The following THSD7A variants were observed in gnomAD, a reference collection of about 807,000 sequenced individuals.
The protein encoded by THSD7A is thrombospondin type-1 domain-containing protein 7A.
In THSD7A, 96 loss-of-function variants were observed where a neutral mutation model predicts 231.3. The ratio of observed to expected loss-of-function variants is 0.41; its 90% CI spans 0.35 to 0.49. The LOEUF (loss-of-function observed/expected upper bound fraction) is 0.49, where lower values mean the gene tolerates loss of function less well. Ranked by LOEUF, THSD7A falls within the 20% of genes least tolerant of loss-of-function variation. The probability of loss-of-function intolerance (pLI) is 0.05; values close to 1 mark genes in which losing one functional copy is unlikely to be tolerated. For missense variants in THSD7A, 2,290 were observed against 2,070.2 expected, an observed-to-expected ratio of 1.11 and a Z score of -2.06; for synonymous variants, 940 against 743.3, an observed-to-expected ratio of 1.26 and a Z score of -4.30.
chr7:11,710,884 A>G (rs984672408), intron 1 of THSD7A, among the ~76,000 whole-genome samples: 1 of 150,864 alleles, frequency 6.6e-6, no homozygotes, highest in African/African-American at 2.4e-5. Context: ...TTGCTTTTCA[A>G]ATGATAATTG....
At position 11,643,603 on chromosome 7, in the gene THSD7A, G is replaced by A. The variant is rs201483832; in HGVS notation, c.191-6642C>T. 2.4e-3 allele frequency among the ~76,000 whole-genome samples: 360 copies of A among 149,582 alleles called. 6 individuals are homozygous for A. The highest frequency in any genetic ancestry group is 0.023 in the South Asian group (110 of 4,748). On this transcript the variant is annotated intron_variant, in intron 1 of 27. Coordinates refer to ENST00000423059, the MANE Select transcript of THSD7A (RefSeq NM_015204.3). ...CAACAGATACACCACACGCACGCGC[G>A]CACACACACACACACACACAGATTG...
At chr7:11,512,202 C>T (rs1787840061) in intron 6 of THSD7A, among the ~76,000 whole-genome samples, 1 of 152,150 alleles carries the variant, frequency 6.6e-6, no homozygotes. Context: ...CATCACTGGC[C>T]ATCAGAGAAA....
chr7:11,744,776 C>A (rs74994677), intron 1 of THSD7A, among the ~76,000 whole-genome samples: 2 of 151,794 alleles, frequency 1.3e-5, no homozygotes, highest in African/African-American at 2.4e-5. Context: ...TGAACTCATC[C>A]TTTTTTATGG....
rs572334659 is a variant in THSD7A, at chr7:11,681,710, A to G, written c.191-44749T>C. 1.1e-3 allele frequency among the ~76,000 whole-genome samples: 172 copies of G among 152,192 alleles called. 1 individual carries two copies. Among genetic ancestry groups the G allele is most frequent in the African/African-American group, 3.8e-3 (158 of 41,562 alleles). ...TCGTTCAGGATATAATGCATGAAAA[A>G]TTTCCCAACCTCACTAGAAATGTTG... On this transcript the variant is annotated intron_variant, in intron 1 of 27. Coordinates refer to ENST00000423059, the MANE Select transcript of THSD7A (RefSeq NM_015204.3).
intron 11 of THSD7A, among the ~76,000 whole-genome samples, chr7:11,452,452 G>T (rs1413967599): frequency 6.6e-6 from 1 of 151,958 alleles, no homozygotes; most frequent in Non-Finnish European, 1.5e-5. Flanking sequence ...TGTAGCCCTG[G>T]CACAATGGAA....
At chr7:11,570,192 A>T (rs1055941720) in intron 4 of THSD7A, among the ~76,000 whole-genome samples, 1 of 152,130 alleles carries the variant, frequency 6.6e-6, no homozygotes, top group Non-Finnish European at 1.5e-5. Flanking sequence ...AAAGAAAAGA[A>T]AAGAAAAGAA....
In THSD7A at chr7:11,733,685, A is replaced by G. The variant is rs146376666; in HGVS notation, c.191-96724T>C. 4.4e-3 allele frequency among the ~76,000 whole-genome samples: 671 copies of G among 152,004 alleles called. 3 individuals are homozygous for G. Among genetic ancestry groups the G allele is most frequent in the African/African-American group, 0.015 (628 of 41,542 alleles). On this transcript the variant is annotated intron_variant, in intron 1 of 27. Coordinates refer to ENST00000423059, the MANE Select transcript of THSD7A (RefSeq NM_015204.3). ...CTAAATCAGTGCTGAGAGCTCCACAATGTTGACAAAAATGTGGGATCTGAA... is the reference window on the plus strand; with the variant it reads ...CTAAATCAGTGCTGAGAGCTCCACAGTGTTGACAAAAATGTGGGATCTGAA...
chr7:11,821,354 T>C, intron 1 of THSD7A: 1 of 646,796 alleles, frequency 1.5e-6, no homozygotes, highest in Admixed American at 2.1e-5. Flanking sequence ...AGAGGACTAA[T>C]TTGATGACTT....
intron 4 of THSD7A, among the ~76,000 whole-genome samples, chr7:11,585,627 A>G (rs1252048093): frequency 6.6e-6 from 1 of 152,198 alleles, no homozygotes; most frequent in Non-Finnish European, 1.5e-5. Flanking sequence ...CACTTAAGAA[A>G]GATTAAAAAC....
At chr7:11,610,718 A>C (rs969066951) in intron 2 of THSD7A, among the ~76,000 whole-genome samples, 4 of 152,162 alleles carry the variant, frequency 2.6e-5, no homozygotes, top group Admixed American at 6.5e-5. Flanking sequence ...ACTCAGAAAT[A>C]GGTCTTAAAA....
intron 4 of THSD7A, among the ~76,000 whole-genome samples, chr7:11,574,657 C>T (rs1010747777): frequency 4.6e-5 from 7 of 151,204 alleles, no homozygotes; most frequent in Non-Finnish European, 8.8e-5. Context: ...AGGATGGTCT[C>T]GATCTCCTGA....
intron 23 of THSD7A, among the ~76,000 whole-genome samples, chr7:11,394,771 G>A (rs887018183): frequency 1.3e-5 from 2 of 152,110 alleles, no homozygotes; most frequent in Non-Finnish European, 1.5e-5. Context: ...CCAGGCAGAC[G>A]CCTAGCTGCT....
chr7:11,542,663 G>A (rs560969663), intron 5 of THSD7A, among the ~76,000 whole-genome samples: 2 of 152,134 alleles, frequency 1.3e-5, no homozygotes, highest in African/African-American at 4.8e-5. Flanking sequence ...AAACAGTAAG[G>A]GACACAGTAG....
intron 13 of THSD7A, among the ~76,000 whole-genome samples, chr7:11,431,410 G>T (rs1359078101): frequency 6.6e-6 from 1 of 152,072 alleles, no homozygotes; most frequent in Non-Finnish European, 1.5e-5. Flanking sequence ...TCATTCTTTT[G>T]CATGTGGTTA....
intron 6 of THSD7A, among the ~76,000 whole-genome samples, chr7:11,539,073 AG>A (rs1789034324): frequency 6.6e-6 from 1 of 152,196 alleles, no homozygotes. Flanking sequence ...GTATAGCTGC[AG>A]CCCAGGCCTA....
At chr7:11,800,329 G>A (rs1309337387) in intron 1 of THSD7A, among the ~76,000 whole-genome samples, 1 of 152,098 alleles carries the variant, frequency 6.6e-6, no homozygotes, top group Non-Finnish European at 1.5e-5. Flanking sequence ...TGAGAAGATC[G>A]CCTGAGGTCA....
chr7:11,706,361 C>T (rs951924997), intron 1 of THSD7A, among the ~76,000 whole-genome samples: 1 of 150,746 alleles, frequency 6.6e-6, no homozygotes, highest in African/African-American at 2.4e-5. Context: ...CAAGGAAATA[C>T]ACATTGAATT....
intron 1 of THSD7A, among the ~76,000 whole-genome samples, chr7:11,677,842 G>A (rs1428914661): frequency 6.6e-6 from 1 of 152,000 alleles, no homozygotes; most frequent in East Asian, 1.9e-4. Context: ...GGACCAAGCA[G>A]ACCTAATAGA....
At chr7:11,816,359 G>T (rs10270467) in intron 1 of THSD7A, among the ~76,000 whole-genome samples, 3 of 152,068 alleles carry the variant, frequency 2.0e-5, no homozygotes, top group African/African-American at 7.2e-5. Flanking sequence ...ACAGATACAT[G>T]TAATCCACAT....
Sources: allele counts gnomAD v4.1 joint callset (sites outside exome capture counted in the v4.1 genomes callset), GRCh38; gene constraint gnomAD v4.1.1; transcripts MANE v1.5; gene names NCBI Gene and HGNC (gene_info 2026-07-23, HGNC 2026-07-21).